The following RAB3B variants were observed in gnomAD, a reference collection of about 807,000 sequenced individuals.
RAB3B encodes RAB3B, member RAS oncogene family, also known as ras-related protein Rab-3B.
RAB3B carries 11 observed loss-of-function variants against 20.5 expected under a neutral mutation model. The observed-to-expected ratio is 0.54, with a 90% CI of 0.34 to 0.89. RAB3B has a LOEUF of 0.89. RAB3B is among the 40% of genes least tolerant of loss of function. The pLI, the probability that RAB3B is intolerant of heterozygous loss-of-function variation, is 0.02. For synonymous variants in RAB3B, 99 were observed against 106.3 expected (o/e 0.93, Z 0.42); for missense variants, 225 against 280.9 (o/e 0.80, Z 1.42).
At chr1:51,974,428 T>A (rs190992841) in intron 2 of RAB3B, among the ~76,000 whole-genome samples, 1 of 152,168 alleles carries the variant, frequency 6.6e-6, no homozygotes, top group African/African-American at 2.4e-5. Context: ...GCCTGAAAAT[T>A]TGCATTTCTA....
chr1:51,941,628 G>A (rs1684496217), intron 2 of RAB3B, among the ~76,000 whole-genome samples: 1 of 152,208 alleles, frequency 6.6e-6, no homozygotes, highest in Non-Finnish European at 1.5e-5. Context: ...GCTTCTCCAT[G>A]TCCTCAGCAA....
At chr1:51,967,515 C>CTTTTTTTTTTTTTT (rs67927521) in intron 2 of RAB3B, among the ~76,000 whole-genome samples, 2 of 16,434 alleles carry the variant, frequency 1.2e-4, no homozygotes, top group Non-Finnish European at 2.6e-4. Flanking sequence ...CTTTTCTTTT[C>CTTTTTTTTTTTTTT]TTTTTCTTTT....
At chr1:51,937,244 G>T in intron 3 of RAB3B, 50 bp downstream of exon 3, 1 of 1,422,186 alleles carries the variant, frequency 7.0e-7, no homozygotes, top group South Asian at 1.2e-5. Context: ...GCACATGTTA[G>T]GTTTTAATGA....
Position 51,987,674 on chromosome 1 carries a change from GA to G in RAB3B, c.-1+2877del, listed in dbSNP as rs140280738. Among the ~76,000 whole-genome samples the G allele has an allele frequency of 5.3e-3, 812 of 152,210 alleles. 13 individuals are homozygous for G. Among genetic ancestry groups the G allele is most frequent in the African/African-American group, 0.019 (790 of 41,530 alleles). ...TCATTCATAAAACAAGTGTTGTTGG[GA>G]AAATTATAGGTAATGTGGGTTATAC... On this transcript the variant is annotated intron_variant, in intron 1 of 4. Coordinates refer to ENST00000371655, the MANE Select transcript of RAB3B (RefSeq NM_002867.4).
rs1684171756 is a variant in RAB3B, at chr1:51,921,504, T to A, written c.473-1390A>T. On this transcript the variant is annotated intron_variant, in intron 4 of 4. Coordinates refer to ENST00000371655, the MANE Select transcript of RAB3B (RefSeq NM_002867.4). ...GCTCTGCCTCTCATTTCTTCCCCCT[T>A]TTCTCTTTCACTTTGCATTTTTTTT... Among the ~76,000 whole-genome samples, 3 of 151,622 alleles carry A rather than the reference T, an allele frequency of 2.0e-5. No individual in the cohort carries two copies. The South Asian group carries it at 6.3e-4, about 32-fold the overall frequency.
chr1:51,938,898 C>A (rs554712877), intron 2 of RAB3B, among the ~76,000 whole-genome samples: 2 of 152,208 alleles, frequency 1.3e-5, no homozygotes, highest in South Asian at 2.1e-4. Context: ...AGAGCTCAAG[C>A]AATCCACCCA....
chr1:51,989,771 C>A (rs995870846), intron 1 of RAB3B, among the ~76,000 whole-genome samples: 1 of 151,728 alleles, frequency 6.6e-6, no homozygotes, highest in Non-Finnish European at 1.5e-5. Context: ...GGCCTCTCAC[C>A]CTTCCATTCT....
At chr1:51,967,524 T>TC (rs1557974412) in intron 2 of RAB3B, among the ~76,000 whole-genome samples, 1 of 68,358 alleles carries the variant, frequency 1.5e-5, no homozygotes, top group African/African-American at 4.0e-5. Flanking sequence ...TCTTTTTCTT[T>TC]TTTTTTTTTT....
Position 51,910,049 on chromosome 1 carries a change from G to A in RAB3B, c.*9878C>T, listed in dbSNP as rs1217946370. The stretch of plus-strand genomic sequence containing the variant: ...CTTCATTTACATATGAAGTAACTGA[G>A]GCTCACTGAGGCTCCGGGAGTCATC... On this transcript the variant is annotated 3_prime_UTR_variant, in exon 5 of 5. Coordinates refer to ENST00000371655, the MANE Select transcript of RAB3B (RefSeq NM_002867.4). 6.6e-6 allele frequency: 1 copy of A among 152,090 alleles called. No individual in the cohort carries two copies. The highest frequency in any genetic ancestry group is 1.5e-5 in the Non-Finnish European group (1 of 68,016). 9.4% of individuals were successfully genotyped at this position (152,090 alleles called of 1,614,324 possible).
chr1:51,983,872 A>T (rs994394171), intron 1 of RAB3B, among the ~76,000 whole-genome samples: 2 of 152,030 alleles, frequency 1.3e-5, no homozygotes, highest in Non-Finnish European at 2.9e-5. Flanking sequence ...AAGCACAAAA[A>T]TTGCTTGAAC....
intron 1 of RAB3B, among the ~76,000 whole-genome samples, chr1:51,983,700 C>T (rs1685115948): frequency 6.6e-6 from 1 of 152,030 alleles, no homozygotes; most frequent in African/African-American, 2.4e-5. Context: ...TGGCTCAGGC[C>T]CATAATCCCA....
chr1:51,962,402 CAGA>C (rs1684796143), intron 2 of RAB3B, among the ~76,000 whole-genome samples: 1 of 152,186 alleles, frequency 6.6e-6, no homozygotes, highest in Non-Finnish European at 1.5e-5. Flanking sequence ...GCCAGGCATT[CAGA>C]ATAAGAATGG....
intron 1 of RAB3B, among the ~76,000 whole-genome samples, chr1:51,983,153 A>G (rs1685108970): frequency 6.6e-6 from 1 of 152,136 alleles, no homozygotes; most frequent in Non-Finnish European, 1.5e-5. Flanking sequence ...CAGGAGATAG[A>G]GACCAGCCTG....
chr1:51,920,351 C>T (rs1264115572), intron 4 of RAB3B, among the ~76,000 whole-genome samples: 6 of 152,132 alleles, frequency 3.9e-5, no homozygotes, highest in Admixed American at 2.0e-4. Context: ...TGTTTAATTC[C>T]GGGCTGAGTC....
chr1:51,948,564 C>T (rs1392765942), intron 2 of RAB3B, among the ~76,000 whole-genome samples: 1 of 152,132 alleles, frequency 6.6e-6, no homozygotes, highest in African/African-American at 2.4e-5. Flanking sequence ...TGTCTGTTAC[C>T]ATAGGAGGTA....
At chr1:51,936,419 C>T (rs986445854) in intron 3 of RAB3B, among the ~76,000 whole-genome samples, 6 of 152,188 alleles carry the variant, frequency 3.9e-5, no homozygotes, top group Non-Finnish European at 5.9e-5. Flanking sequence ...CAGGGATAAA[C>T]TTTAAGTGCT....
rs1157633837 is a variant in RAB3B at position 51,916,641 on chromosome 1, T to A, written c.*3286A>T. The A allele has an allele frequency of 6.6e-6, 1 of 152,210 alleles. No homozygotes were observed. The highest frequency in any genetic ancestry group is 1.9e-4 in the East Asian group (1 of 5,192). 9.4% of individuals were successfully genotyped at this position (152,210 alleles called of 1,614,324 possible). A position where few individuals can be genotyped will look rare whatever the true frequency, so the allele number is the denominator to read the frequency against. ...GCTGGAGCATAGAGGCTGTTCAAAG[T>A]GGAGCATGGAGGCTCCTGCTGATTG... is the stretch of plus-strand genomic sequence containing the variant. On this transcript the variant is annotated 3_prime_UTR_variant, in exon 5 of 5. Coordinates refer to ENST00000371655, the MANE Select transcript of RAB3B (RefSeq NM_002867.4).
chr1:51,970,647 C>A (rs956450593), intron 2 of RAB3B, among the ~76,000 whole-genome samples: 7 of 152,102 alleles, frequency 4.6e-5, no homozygotes, highest in African/African-American at 1.7e-4. Context: ...CTGAACACTT[C>A]ATACTGTGCT....
intron 2 of RAB3B, among the ~76,000 whole-genome samples, chr1:51,945,765 CAG>C (rs1684556008): frequency 1.3e-5 from 2 of 152,204 alleles, no homozygotes; most frequent in Admixed American, 6.5e-5. Flanking sequence ...TGCCTCCAGC[CAG>C]AGTGTCAATA....
Sources: gnomAD v4.1 joint callset for allele counts (sites outside exome capture counted in the v4.1 genomes callset) on GRCh38, gnomAD v4.1.1 for gene constraint, MANE v1.5 for transcripts, NCBI Gene and HGNC (gene_info 2026-07-23, HGNC 2026-07-21) for gene names.